IGFBP2: variants seen among roughly 807,000 people sequenced by gnomAD.
The protein encoded by IGFBP2 is insulin like growth factor binding protein 2.
IGFBP2 carries 12 observed loss-of-function variants against 26.2 expected under a neutral mutation model. That is an observed-to-expected ratio of 0.46 (90% CI 0.29 to 0.74). The LOEUF is 0.74. Among genes scored for constraint, IGFBP2 ranks in the 30% least tolerant of loss-of-function variants. The pLI is 0.09. For missense variants in IGFBP2, 328 were observed against 441.2 expected (o/e 0.74, Z 2.30); for synonymous variants, 189 against 200.6 (o/e 0.94, Z 0.49).
chr2:216,655,940 T>C (rs1411939715), intron 1 of IGFBP2, among the ~76,000 whole-genome samples: 1 of 152,130 alleles, frequency 6.6e-6, no homozygotes, highest in African/African-American at 2.4e-5. Context: ...TTATAACTTG[T>C]TTAATAAATG....
chr2:216,644,263 C>A (rs1574557337), intron 1 of IGFBP2, among the ~76,000 whole-genome samples: 2 of 152,010 alleles, frequency 1.3e-5, no homozygotes, highest in African/African-American at 4.8e-5. Flanking sequence ...TGTTGGGAGG[C>A]AGGGCAGGAG....
chr2:216,663,704 G>A, intron 3 of IGFBP2: 1 of 448,796 alleles, frequency 2.2e-6, no homozygotes, highest in Non-Finnish European at 4.0e-6. Flanking sequence ...TGGGCGGGCA[G>A]CATCAGCATC....
At chr2:216,652,446 G>T (rs1331805958) in intron 1 of IGFBP2, among the ~76,000 whole-genome samples, 1 of 152,212 alleles carries the variant, frequency 6.6e-6, no homozygotes, top group East Asian at 1.9e-4. Context: ...AAAATGCTGG[G>T]ATTACAGGCG....
rs772053834 is a variant in IGFBP2 at position 216,664,426 on chromosome 2, G to A, written c.*322G>A. On this transcript the variant is annotated 3_prime_UTR_variant, in exon 4 of 4. Coordinates refer to ENST00000233809, the MANE Select transcript of IGFBP2 (RefSeq NM_000597.3). The surrounding 1 kb of genome is among the most constrained non-coding windows in gnomAD (Gnocchi z 4.6). ...TCCCTTTTGCATAAGATTAAAGGAAGGAAAAGTAAAGTGTGTGTCTTTTGC... is the reference window on the plus strand; with the variant it reads ...TCCCTTTTGCATAAGATTAAAGGAAAGAAAAGTAAAGTGTGTGTCTTTTGC... 2.9e-5 allele frequency: 6 copies of A among 203,872 alleles called. No individual in the cohort carries two copies. The highest frequency in any genetic ancestry group is 4.6e-5 in the African/African-American group (2 of 43,536). The allele number at this position is 203,872 out of a possible 1,614,324, so 12.6% of individuals were successfully genotyped here.
At chr2:216,661,646 A>C (rs1688651812) in intron 2 of IGFBP2, 2 of 643,098 alleles carry the variant, frequency 3.1e-6, no homozygotes, top group African/African-American at 1.8e-5. Context: ...ATTCCCATCC[A>C]TACAATTTTC....
At chr2:216,656,632 A>T (rs780939835) in intron 1 of IGFBP2, among the ~76,000 whole-genome samples, 1 of 152,132 alleles carries the variant, frequency 6.6e-6, no homozygotes, top group African/African-American at 2.4e-5. Context: ...AGTACACTGG[A>T]TGTTCCAGGC....
At chr2:216,656,336 G>A (rs1054958252) in intron 1 of IGFBP2, among the ~76,000 whole-genome samples, 1 of 152,316 alleles carries the variant, frequency 6.6e-6, no homozygotes, top group East Asian at 1.9e-4. Flanking sequence ...GTGGACTATT[G>A]TGGCTGCAGA....
intron 1 of IGFBP2, among the ~76,000 whole-genome samples, chr2:216,648,833 T>C (rs1248553696): frequency 6.6e-6 from 1 of 152,140 alleles, no homozygotes; most frequent in Non-Finnish European, 1.5e-5. Context: ...GGTCTCGAAC[T>C]CCTGACCTCG....
chr2:216,658,711 G>A (rs760023869), intron 1 of IGFBP2, among the ~76,000 whole-genome samples: 9 of 151,986 alleles, frequency 5.9e-5, no homozygotes, highest in Non-Finnish European at 1.2e-4. Flanking sequence ...CACCACACCC[G>A]GCTAATTTTT....
rs746218440 is a variant in IGFBP2 at position 216,633,738 on chromosome 2, G to A, written c.215G>A (p.Arg72His). 45 of 1,262,590 alleles carry A rather than the reference G, an allele frequency of 3.6e-5. No homozygotes were observed. The South Asian group carries it at 1.2e-3, about 35-fold the overall frequency. The allele number at this position is 1,262,590 out of a possible 1,614,324, so 78.2% of individuals were successfully genotyped here. A position where few individuals can be genotyped will look rare whatever the true frequency, so the allele number is the denominator to read the frequency against. Reference sequence around the variant, plus strand: ...GTGGCCGCAGTGGCCGGAGGCGCCCGCATGCCATGCGCGGAGCTCGTCCGG... The same window carrying A: ...GTGGCCGCAGTGGCCGGAGGCGCCCACATGCCATGCGCGGAGCTCGTCCGG... ...AAVAAVAGGA[R>H]MPCAELVREP... The change falls in exon 1 of 4, where the codon CGC becomes CAC. Residue 72 changes from arginine (R) to histidine (H), a missense_variant. Physicochemically the swap from Arg to His is conservative, Grantham distance 29. Transcript: ENST00000233809.
intron 1 of IGFBP2, among the ~76,000 whole-genome samples, chr2:216,655,330 G>T (rs1697898684): frequency 1.3e-5 from 2 of 152,328 alleles, no homozygotes; most frequent in South Asian, 4.1e-4. Context: ...TCAGGTGGAG[G>T]TAACTGAATC....
intron 1 of IGFBP2, among the ~76,000 whole-genome samples, chr2:216,635,326 T>TAA (rs970865394): frequency 6.6e-6 from 1 of 152,118 alleles, no homozygotes; most frequent in African/African-American, 2.4e-5. Flanking sequence ...GCCTGGAAGT[T>TAA]AACCCTTCCC....
Position 216,633,835 on chromosome 2 carries a change from C to G in IGFBP2, c.312C>G (p.Arg104=). The G allele has an allele frequency of 1.3e-6, 2 of 1,540,388 alleles. No individual in the cohort carries two copies. Among genetic ancestry groups the G allele is most frequent in the Non-Finnish European group, 1.7e-6 (2 of 1,148,688 alleles). The change falls in exon 1 of 4, where the codon CGC becomes CGG. Residue 104 remains arginine (R), a synonymous_variant. Transcript: ENST00000233809. ...AGGCGTGCGGCGTCTACACCCCGCG[C>G]TGCGGCCAGGGGCTGCGCTGCTATC... ...EGEACGVYTP[R]CGQGLRCYPH... is the part of the protein sequence containing the mutation.
chr2:216,650,050 C>T (rs1697789537), intron 1 of IGFBP2, among the ~76,000 whole-genome samples: 1 of 152,216 alleles, frequency 6.6e-6, no homozygotes, highest in Non-Finnish European at 1.5e-5. Flanking sequence ...ATTGTTCTCG[C>T]CTCACCAGGA....
At chr2:216,657,645 A>G (rs963888083) in intron 1 of IGFBP2, among the ~76,000 whole-genome samples, 9 of 152,194 alleles carry the variant, frequency 5.9e-5, no homozygotes, top group Non-Finnish European at 1.0e-4. Context: ...CACAGAGGGC[A>G]GGGCAGGATG....
chr2:216,661,098 A>C, intron 2 of IGFBP2: 2 of 373,994 alleles, frequency 5.3e-6, no homozygotes, highest in South Asian at 3.0e-5. Flanking sequence ...AAACTTGCTT[A>C]CTCTTTTTTT....
chr2:216,639,566 TTTTTTTGTTTG>T (rs551868468), intron 1 of IGFBP2, among the ~76,000 whole-genome samples: 170 of 151,980 alleles, frequency 1.1e-3, no homozygotes, highest in Non-Finnish European at 2.2e-3. Flanking sequence ...AAGCTTGTTT[TTTTTTTGTTTG>T]TTTTTTTGTT....
chr2:216,640,820 A>G (rs1697598842), intron 1 of IGFBP2, among the ~76,000 whole-genome samples: 1 of 152,246 alleles, frequency 6.6e-6, no homozygotes, highest in African/African-American at 2.4e-5. Flanking sequence ...AATTTCTGCC[A>G]GATTTCAATT....
chr2:216,647,905 C>G (rs1490410991), intron 1 of IGFBP2, among the ~76,000 whole-genome samples: 2 of 152,160 alleles, frequency 1.3e-5, no homozygotes, highest in African/African-American at 4.8e-5. Flanking sequence ...ACTGCAACCT[C>G]CACCTCCCGG....
Sources: allele counts gnomAD v4.1 joint callset (sites outside exome capture counted in the v4.1 genomes callset), GRCh38; gene constraint gnomAD v4.1.1; non-coding constraint Gnocchi (gnomAD v3.1); transcripts MANE v1.5; gene names NCBI Gene and HGNC (gene_info 2026-07-23, HGNC 2026-07-21).